The following CNIH3 variants were observed in gnomAD, a reference collection of about 807,000 sequenced individuals.
The protein encoded by CNIH3 is protein cornichon homolog 3.
CNIH3 carries 14 observed loss-of-function variants against 24.1 expected under a neutral mutation model. That is an observed-to-expected ratio of 0.58 (90% CI 0.38 to 0.91). CNIH3 has a LOEUF of 0.91. Among genes scored for constraint, CNIH3 ranks in the 40% least tolerant of loss-of-function variants. The pLI, the probability that CNIH3 is intolerant of heterozygous loss-of-function variation, is 0.00. For missense variants in CNIH3, 178 were observed against 196.8 expected (o/e 0.90, Z 0.57); for synonymous variants, 68 against 73.8 (o/e 0.92, Z 0.40).
At chr1:224,471,277 G>A (rs764285113) in intron 1 of CNIH3, among the ~76,000 whole-genome samples, 26 of 152,096 alleles carry the variant, frequency 1.7e-4, no homozygotes, top group Non-Finnish European at 2.8e-4. Flanking sequence ...TGATCTGCCC[G>A]CCTTGGCCTC....
At chr1:224,681,801 A>G (rs576046064) in intron 2 of CNIH3, among the ~76,000 whole-genome samples, 2 of 152,202 alleles carry the variant, frequency 1.3e-5, no homozygotes, top group East Asian at 3.9e-4. Context: ...GCCTTTTCCA[A>G]ACTTACTCCC....
chr1:224,501,871 G>GGC lies in CNIH3; in HGVS notation n.204-13870_204-13869insGC, dbSNP rs1558111974. Among the ~76,000 whole-genome samples, 1,103 of 152,154 alleles carry GGC rather than the reference G, an allele frequency of 7.2e-3. 17 individuals carry two copies. Among genetic ancestry groups the GGC allele is most frequent in the African/African-American group, 0.025 (1,045 of 41,430 alleles). On this transcript the variant is annotated intron_variant and non_coding_transcript_variant, in intron 1 of 5. Coordinates refer to the CNIH3 transcript ENST00000471578. ...GCTAGGATTACAGGCGTGAGCCACT[G>GGC]CTTTATACAGAAATTTGTTTGTGAC...
At chr1:224,689,976 TGGTGTGA>T (rs1355718023) in intron 3 of CNIH3, among the ~76,000 whole-genome samples, 1 of 152,010 alleles carries the variant, frequency 6.6e-6, no homozygotes, top group Non-Finnish European at 1.5e-5. Flanking sequence ...AGGCAGAGGT[TGGTGTGA>T]CTGCCGCTTT....
intron 1 of CNIH3, among the ~76,000 whole-genome samples, chr1:224,449,157 G>T (rs1675285214): frequency 1.3e-5 from 2 of 151,668 alleles, no homozygotes; most frequent in South Asian, 2.1e-4. Flanking sequence ...GTAGAGATGG[G>T]GTTTCACCAT....
intron 3 of CNIH3, among the ~76,000 whole-genome samples, chr1:224,564,944 C>G (rs1039601821): frequency 4.6e-5 from 7 of 152,246 alleles, no homozygotes; most frequent in Admixed American, 3.3e-4. Context: ...TAGGACCAGA[C>G]AGATGGTGGG....
chr1:224,644,048 C>G (rs1231753372), intron 1 of CNIH3, among the ~76,000 whole-genome samples: 1 of 152,182 alleles, frequency 6.6e-6, no homozygotes, highest in East Asian at 1.9e-4. Flanking sequence ...TTGGGGACCT[C>G]TTAGACTGAA....
intron 1 of CNIH3, among the ~76,000 whole-genome samples, chr1:224,618,575 T>A (rs1416573868): frequency 6.6e-6 from 1 of 152,170 alleles, no homozygotes; most frequent in African/African-American, 2.4e-5. Context: ...GAGGGGAAAC[T>A]CGGGGAGGAA....
rs1249232697 is a variant in CNIH3, at chr1:224,528,465, G to A, written n.343+7138G>A. Among the ~76,000 whole-genome samples, 3 of 152,002 alleles carry A rather than the reference G, an allele frequency of 2.0e-5. No homozygotes were observed. The South Asian group carries it at 6.2e-4, about 32-fold the overall frequency. On this transcript the variant is annotated intron_variant and non_coding_transcript_variant, in intron 2 of 2. Coordinates refer to the CNIH3 transcript ENST00000470602. ...CCACCTGAGTAGCTGGTACCATGGT[G>A]GGCATCACCACACCTAGAAAATTAA...
chr1:224,484,611 A>T lies in CNIH3; in HGVS notation n.204-31130A>T, dbSNP rs1676956494. ...AATTTTAGCCATTACTTCTTCAAATATTTTTATGTCCCCATCTCTCCTACC... is the reference window on the plus strand; with the variant it reads ...AATTTTAGCCATTACTTCTTCAAATTTTTTTATGTCCCCATCTCTCCTACC... On this transcript the variant is annotated intron_variant and non_coding_transcript_variant, in intron 1 of 5. Coordinates refer to the CNIH3 transcript ENST00000471578. 2.6e-5 allele frequency among the ~76,000 whole-genome samples: 4 copies of T among 152,022 alleles called. No individual in the cohort carries two copies. In the South Asian group the frequency reaches 8.3e-4, roughly 32 times the overall value.
intron 3 of CNIH3, among the ~76,000 whole-genome samples, chr1:224,706,752 A>G (rs574571210): frequency 3.3e-5 from 5 of 152,282 alleles, no homozygotes; most frequent in Non-Finnish European, 7.4e-5. Context: ...TGGTAGAGTT[A>G]GTCAGGACTA....
chr1:224,626,602 T>A (rs1412613288), intron 1 of CNIH3, among the ~76,000 whole-genome samples: 3 of 152,214 alleles, frequency 2.0e-5, no homozygotes, highest in Admixed American at 2.0e-4. Context: ...TTGGTTAAGA[T>A]GATCCCTGCT....
intron 3 of CNIH3, among the ~76,000 whole-genome samples, chr1:224,560,055 G>A (rs1183209098): frequency 6.6e-6 from 1 of 152,104 alleles, no homozygotes; most frequent in Non-Finnish European, 1.5e-5. Flanking sequence ...TATCTATATT[G>A]TTGGGTGTAG....
chr1:224,437,455 A>G (rs1674713345), intron 1 of CNIH3, among the ~76,000 whole-genome samples: 1 of 152,194 alleles, frequency 6.6e-6, no homozygotes, highest in African/African-American at 2.4e-5. Context: ...TCGAGTAGGT[A>G]GTGGAACTAA....
chr1:224,591,600 A>G (rs752998921), downstream of CNIH3, among the ~76,000 whole-genome samples: 66 of 152,168 alleles, frequency 4.3e-4, no homozygotes, highest in Non-Finnish European at 7.2e-4. Context: ...CAACTGGAGG[A>G]CTTGTGGTTT....
intron 4 of CNIH3, among the ~76,000 whole-genome samples, chr1:224,577,810 C>A (rs1272360492): frequency 6.6e-6 from 1 of 152,054 alleles, no homozygotes; most frequent in South Asian, 2.1e-4. Flanking sequence ...AAATATGGAA[C>A]CAGCCTAAAT....
At chr1:224,738,932 C>T (rs536194809) in intron 5 of CNIH3, among the ~76,000 whole-genome samples, 53 of 152,160 alleles carry the variant, frequency 3.5e-4, no homozygotes, top group African/African-American at 1.2e-3. Context: ...TCTGGGAGCC[C>T]CTGGACACAG....
At chr1:224,734,893 C>A (rs1689516549) in intron 5 of CNIH3, among the ~76,000 whole-genome samples, 187 bp downstream of exon 5, 1 of 152,164 alleles carries the variant, frequency 6.6e-6, no homozygotes, top group African/African-American at 2.4e-5. Flanking sequence ...AGTAAGGGGG[C>A]AGGAGATCCT....
intron 1 of CNIH3, among the ~76,000 whole-genome samples, chr1:224,489,714 C>T (rs1278685888): frequency 2.0e-5 from 3 of 152,208 alleles, no homozygotes; most frequent in Non-Finnish European, 4.4e-5. Flanking sequence ...GCTGCTGTAA[C>T]AAAACACCAT....
chr1:224,618,783 T>C (rs1189669867), intron 1 of CNIH3, among the ~76,000 whole-genome samples: 2 of 152,224 alleles, frequency 1.3e-5, no homozygotes, highest in Non-Finnish European at 2.9e-5. Context: ...ATTAAAACAA[T>C]TCCGCTATTT....
Sources: gnomAD v4.1 joint callset for allele counts (sites outside exome capture counted in the v4.1 genomes callset) on GRCh38, gnomAD v4.1.1 for gene constraint, MANE v1.5 for transcripts, NCBI Gene and HGNC (gene_info 2026-07-23, HGNC 2026-07-21) for gene names.